The following PPM1E variants were observed in gnomAD, a reference collection of about 807,000 sequenced individuals.
PPM1E encodes the protein protein phosphatase, Mg2+/Mn2+ dependent 1E.
A neutral mutation model predicts 65.9 loss-of-function variants in PPM1E; 20 were observed. The ratio of observed to expected loss-of-function variants is 0.30; its 90% CI spans 0.21 to 0.44. The LOEUF (loss-of-function observed/expected upper bound fraction) is 0.44, where lower values mean the gene tolerates loss of function less well. PPM1E is among the 20% of genes least tolerant of loss of function. PPM1E has a pLI of 1.00. For synonymous variants in PPM1E, 352 were observed against 374.9 expected, an observed-to-expected ratio of 0.94 and a Z score of 0.70; for missense variants, 713 against 953.1, an observed-to-expected ratio of 0.75 and a Z score of 3.32.
chr17:58,830,072 G>A (rs1195939733), intron 1 of PPM1E, among the ~76,000 whole-genome samples: 1 of 152,034 alleles, frequency 6.6e-6, no homozygotes, highest in Non-Finnish European at 1.5e-5. Flanking sequence ...CTACTTGGGA[G>A]GCTAAGGTAG....
intron 1 of PPM1E, among the ~76,000 whole-genome samples, chr17:58,858,594 A>G (rs1392255561): frequency 6.6e-6 from 1 of 151,790 alleles, no homozygotes; most frequent in Non-Finnish European, 1.5e-5. Context: ...GGCTTACTTC[A>G]TATAACATAA....
At chr17:58,927,289 G>A (rs2051835612) in intron 1 of PPM1E, among the ~76,000 whole-genome samples, 1 of 151,634 alleles carries the variant, frequency 6.6e-6, no homozygotes, top group Admixed American at 6.6e-5. Flanking sequence ...ACCATGCCCG[G>A]CTAATTTTTT....
intron 1 of PPM1E, among the ~76,000 whole-genome samples, chr17:58,817,074 G>A (rs1363393682): frequency 6.6e-6 from 1 of 151,866 alleles, no homozygotes; most frequent in Non-Finnish European, 1.5e-5. Context: ...GATTATAGGT[G>A]CGAGCCACCA....
chr17:58,954,816 A>G (rs944382289), intron 1 of PPM1E, among the ~76,000 whole-genome samples: 1 of 145,646 alleles, frequency 6.9e-6, no homozygotes, highest in South Asian at 2.3e-4. Flanking sequence ...GGAGGCAGAG[A>G]TTGCAATGAG....
intron 1 of PPM1E, among the ~76,000 whole-genome samples, chr17:58,917,218 G>GA (rs201768744): frequency 0.015 from 1,962 of 128,656 alleles, 29 homozygotes; most frequent in African/African-American, 0.05. Flanking sequence ...TCAAAAAAAA[G>GA]AAAAAAAAAA....
At chr17:58,779,126 T>C (rs529718001) in intron 1 of PPM1E, among the ~76,000 whole-genome samples, 1 of 151,620 alleles carries the variant, frequency 6.6e-6, no homozygotes, top group Non-Finnish European at 1.5e-5. Flanking sequence ...ATGTACATAT[T>C]TAATTGTATC....
chr17:58,888,520 C>T (rs2051308690), intron 1 of PPM1E, among the ~76,000 whole-genome samples: 1 of 151,918 alleles, frequency 6.6e-6, no homozygotes, highest in African/African-American at 2.4e-5. Context: ...CCCACCACTG[C>T]GCCTGGCTAA....
intron 1 of PPM1E, among the ~76,000 whole-genome samples, chr17:58,905,962 A>G (rs1221084460): frequency 6.6e-6 from 1 of 152,162 alleles, no homozygotes; most frequent in Non-Finnish European, 1.5e-5. Context: ...GGTGCTTTGT[A>G]TTTTGAAAGG....
chr17:58,882,017 A>AG, intron 1 of PPM1E, among the ~76,000 whole-genome samples: 1 of 150,854 alleles, frequency 6.6e-6, no homozygotes, highest in Admixed American at 6.6e-5. Flanking sequence ...AAAAAAAAAA[A>AG]AAAATTAGCC....
intron 1 of PPM1E, among the ~76,000 whole-genome samples, chr17:58,873,635 C>T (rs1165724841): frequency 1.3e-5 from 2 of 150,182 alleles, no homozygotes; most frequent in Non-Finnish European, 3.0e-5. Context: ...ACTTTGTCAC[C>T]CAGGCTGGAG....
At position 58,915,869 on chromosome 17, in the gene PPM1E, A is replaced by AT. The variant is rs1323289198; in HGVS notation, c.465-39778dup. The stretch of plus-strand genomic sequence containing the variant: ...AAATTTGTGTTCTAGGTCCCACCCC[A>AT]TTACTTCCTAAATATAACTAGGGCT... On this transcript the variant is annotated intron_variant, in intron 1 of 6. Coordinates refer to ENST00000308249, the MANE Select transcript of PPM1E (RefSeq NM_014906.5). Among the ~76,000 whole-genome samples, 2 of 152,196 alleles carry AT rather than the reference A, an allele frequency of 1.3e-5. 1 individual carries two copies. Among genetic ancestry groups the AT allele is most frequent in the Non-Finnish European group, 2.9e-5 (2 of 68,036 alleles).
intron 6 of PPM1E, among the ~76,000 whole-genome samples, chr17:58,974,529 C>T (rs2030874589): frequency 6.6e-6 from 1 of 151,940 alleles, no homozygotes. Context: ...CTGTCTTTGT[C>T]TCACTTTGGG....
At chr17:58,815,072 C>T (rs916017052) in intron 1 of PPM1E, among the ~76,000 whole-genome samples, 8 of 152,078 alleles carry the variant, frequency 5.3e-5, no homozygotes, top group Non-Finnish European at 7.3e-5. Context: ...CTTGGGTAAA[C>T]CACTTAAACT....
rs1294069873 is a variant in PPM1E, at chr17:58,756,099, A to ACCCGAC, written c.107_108insCCCCGA (p.Pro35_Glu36insAspPro). 1 of 1,589,554 alleles carries ACCCGAC rather than the reference A, an allele frequency of 6.3e-7. No homozygotes were observed. On this transcript the variant is annotated inframe_insertion, in exon 1 of 7. Transcript: ENST00000308249. ...GCGGCGGCGGCGAGCCGGAGCCGGA[A>ACCCGAC]CCCGAACCCGAACCCGAACCCGAAC...
intron 4 of PPM1E, among the ~76,000 whole-genome samples, chr17:58,971,713 G>A (rs943126297): frequency 9.2e-5 from 14 of 152,100 alleles, no homozygotes; most frequent in Non-Finnish European, 1.6e-4. Context: ...GAACAAATAC[G>A]ATGTCAGTAA....
At chr17:58,807,261 T>C (rs2050325049) in intron 1 of PPM1E, among the ~76,000 whole-genome samples, 1 of 152,220 alleles carries the variant, frequency 6.6e-6, no homozygotes, top group African/African-American at 2.4e-5. Context: ...ACATACTTGA[T>C]TGCTAATTTC....
Position 58,982,583 on chromosome 17 carries a change from C to A in PPM1E, c.*1552C>A. 3.7e-6 allele frequency: 1 copy of A among 270,702 alleles called. No individual in the cohort carries two copies. The highest frequency in any genetic ancestry group is 6.6e-5 in the South Asian group (1 of 15,210). 16.8% of individuals were successfully genotyped at this position (270,702 alleles called of 1,614,324 possible). A position where few individuals can be genotyped will look rare whatever the true frequency, so the allele number is the denominator to read the frequency against. ...CTCTGAATTTTAAAGACACAGATGA[C>A]TGGCATATTTTGGATACCAGTATAG... On this transcript the variant is annotated 3_prime_UTR_variant, in exon 7 of 7. Coordinates refer to ENST00000308249, the MANE Select transcript of PPM1E (RefSeq NM_014906.5).
chr17:58,839,261 AGAGTTCAAGTCCAGCTTGGGACTT>A (rs930876674), intron 1 of PPM1E, among the ~76,000 whole-genome samples: 11 of 152,260 alleles, frequency 7.2e-5, no homozygotes, highest in South Asian at 4.1e-4. Flanking sequence ...CTGGAGGCCA[AGAGTTCAAGTCCAGCTTGGGACTT>A]GAGTTCAAGT....
chr17:58,840,566 G>C (rs944639992), intron 1 of PPM1E, among the ~76,000 whole-genome samples: 2 of 152,024 alleles, frequency 1.3e-5, no homozygotes, highest in African/African-American at 2.4e-5. Context: ...CTGATTCCAG[G>C]GATAGGGTAG....
Sources: allele counts gnomAD v4.1 joint callset (sites outside exome capture counted in the v4.1 genomes callset), GRCh38; gene constraint gnomAD v4.1.1; transcripts MANE v1.5; gene names NCBI Gene and HGNC (gene_info 2026-07-23, HGNC 2026-07-21).